MKLN1: variants seen among roughly 807,000 people sequenced by gnomAD.
The protein encoded by MKLN1 is muskelin 1, also known as muskelin.
Under a neutral mutation model 99.0 loss-of-function variants are expected in MKLN1, and 18 were observed. That is an observed-to-expected ratio of 0.18 (90% CI 0.13 to 0.27). The LOEUF (loss-of-function observed/expected upper bound fraction) is 0.27, where lower values mean the gene tolerates loss of function less well. MKLN1 is among the 10% of genes least tolerant of loss of function. MKLN1 has a pLI of 1.00. For synonymous variants in MKLN1, 288 were observed against 293.2 expected, an observed-to-expected ratio of 0.98 and a Z score of 0.18; for missense variants, 621 against 875.9, an observed-to-expected ratio of 0.71 and a Z score of 3.67.
intron 15 of MKLN1, among the ~76,000 whole-genome samples, chr7:131,466,767 A>T (rs1796671740): frequency 6.6e-6 from 1 of 152,228 alleles, no homozygotes; most frequent in South Asian, 2.1e-4. Flanking sequence ...TTAACTGTGA[A>T]TGTAGTGATA....
In MKLN1 at chr7:131,148,632, G is replaced by C. The variant is rs142279336; in HGVS notation, c.-297+5691G>C. 8.6e-3 allele frequency among the ~76,000 whole-genome samples: 1,309 copies of C among 152,110 alleles called. 17 individuals are homozygous for C. The highest frequency in any genetic ancestry group is 0.03 in the African/African-American group (1,240 of 41,490). On this transcript the variant is annotated intron_variant, in intron 2 of 7. Transcript: ENST00000416992. ...TCTAAAAAAATTTAGAATTAGCCAG[G>C]CGTGGTGGTGCACAGCTGTAGTCCC...
chr7:131,272,803 C>T (rs952573318), intron 3 of MKLN1, among the ~76,000 whole-genome samples: 2 of 152,104 alleles, frequency 1.3e-5, no homozygotes, highest in African/African-American at 4.8e-5. Flanking sequence ...TTCACTATCA[C>T]GAGAATAGTA....
intron 1 of MKLN1, among the ~76,000 whole-genome samples, chr7:131,369,972 G>A (rs531788255): frequency 1.3e-5 from 2 of 152,178 alleles, no homozygotes; most frequent in South Asian, 2.1e-4. Flanking sequence ...AGGTAGCTGG[G>A]ATTACGGGCA....
chr7:131,258,373 T>A (rs1797687690), intron 3 of MKLN1, among the ~76,000 whole-genome samples: 1 of 152,096 alleles, frequency 6.6e-6, no homozygotes, highest in Non-Finnish European at 1.5e-5. Flanking sequence ...ATTCTGTTGC[T>A]GGAGGAAGTG....
chr7:131,338,982 T>C (rs879902332), intron 1 of MKLN1, among the ~76,000 whole-genome samples: 48 of 152,360 alleles, frequency 3.2e-4, no homozygotes, highest in Admixed American at 1.7e-3. Context: ...ATTTAATGAA[T>C]AGTAAATATT....
chr7:131,375,886 C>T (rs1274786499), intron 2 of MKLN1, among the ~76,000 whole-genome samples: 1 of 149,270 alleles, frequency 6.7e-6, no homozygotes, highest in Non-Finnish European at 1.5e-5. Flanking sequence ...GCATCAGGAC[C>T]ATGTGCTAAA....
chr7:131,122,969 G>A (rs1795396983), intron 1 of MKLN1, among the ~76,000 whole-genome samples: 1 of 130,610 alleles, frequency 7.7e-6, no homozygotes, highest in Non-Finnish European at 1.5e-5. Flanking sequence ...CTTGCAGTGA[G>A]CCGAGATAGC....
chr7:131,475,785 C>A (rs1796948129), intron 16 of MKLN1, among the ~76,000 whole-genome samples: 1 of 152,082 alleles, frequency 6.6e-6, no homozygotes, highest in Admixed American at 6.5e-5. Flanking sequence ...CACGCTGAAC[C>A]TTGGTGACAG....
chr7:131,337,579 G>A (rs1402005030), intron 1 of MKLN1, among the ~76,000 whole-genome samples: 2 of 151,806 alleles, frequency 1.3e-5, no homozygotes, highest in Non-Finnish European at 2.9e-5. Context: ...CTAATTATGT[G>A]AAAATCTCTT....
chr7:131,327,770 G>C (rs1044473588), upstream of MKLN1: 281 of 1,425,614 alleles, frequency 2.0e-4, no homozygotes, highest in Non-Finnish European at 2.5e-4. Flanking sequence ...CGCTGGGCTC[G>C]GGTAACGATG....
At chr7:131,378,669 A>C (rs1291236544) in intron 2 of MKLN1, among the ~76,000 whole-genome samples, 3 of 152,106 alleles carry the variant, frequency 2.0e-5, no homozygotes, top group Non-Finnish European at 4.4e-5. Context: ...GTCTGTACAA[A>C]AAATACAAAA....
chr7:131,381,037 G>A (rs909869114), intron 2 of MKLN1, among the ~76,000 whole-genome samples: 4 of 152,042 alleles, frequency 2.6e-5, no homozygotes, highest in African/African-American at 9.7e-5. Flanking sequence ...GTATGTTTCT[G>A]TTTAAAGAAA....
intron 2 of MKLN1, among the ~76,000 whole-genome samples, chr7:131,182,509 G>C (rs1267812067): frequency 6.6e-6 from 1 of 152,204 alleles, no homozygotes; most frequent in Non-Finnish European, 1.5e-5. Context: ...TGAGTGAGAA[G>C]AAACCCTAAG....
Position 131,463,177 on chromosome 7 carries a change from A to G in MKLN1, c.1526-40A>G, listed in dbSNP as rs769829313. 13 of 1,474,194 alleles carry G rather than the reference A, an allele frequency of 8.8e-6. No individual in the cohort carries two copies. The African/African-American group carries it at 1.4e-4, about 16-fold the overall frequency. 91.3% of individuals were successfully genotyped at this position (1,474,194 alleles called of 1,614,324 possible). Reference sequence around the variant, plus strand: ...AAGGAAGGAAATACTAATCTATCTAATGTGAATATTTTCATCTTATTTTTT... The same window carrying G: ...AAGGAAGGAAATACTAATCTATCTAGTGTGAATATTTTCATCTTATTTTTT... On this transcript the variant is annotated intron_variant, in intron 12 of 17. Coordinates refer to ENST00000352689, the MANE Select transcript of MKLN1 (RefSeq NM_013255.5).
chr7:131,347,426 T>C (rs944782652), intron 1 of MKLN1, among the ~76,000 whole-genome samples: 2 of 152,094 alleles, frequency 1.3e-5, no homozygotes, highest in Admixed American at 1.3e-4. Flanking sequence ...AATGAAGAGC[T>C]AGAGAAGCTG....
chr7:131,383,860 C>T (rs1793923908), intron 2 of MKLN1, among the ~76,000 whole-genome samples: 1 of 152,208 alleles, frequency 6.6e-6, no homozygotes. Context: ...TCCTTCATCT[C>T]ACCTCTTTCC....
At chr7:131,443,985 T>TA (rs1266987458) in intron 11 of MKLN1, among the ~76,000 whole-genome samples, 1 of 152,166 alleles carries the variant, frequency 6.6e-6, no homozygotes, top group Non-Finnish European at 1.5e-5. Context: ...CCTTTCCACT[T>TA]ACGTCTCTTA....
intron 3 of MKLN1, among the ~76,000 whole-genome samples, chr7:131,226,143 A>G (rs754126340): frequency 6.6e-6 from 1 of 151,920 alleles, no homozygotes; most frequent in Non-Finnish European, 1.5e-5. Context: ...CCTTTCTCAA[A>G]ATACACCTCT....
chr7:131,259,952 C>G (rs1200744359), intron 3 of MKLN1, among the ~76,000 whole-genome samples: 1 of 152,064 alleles, frequency 6.6e-6, no homozygotes, highest in African/African-American at 2.4e-5. Context: ...TCTATAAAAC[C>G]CCATAGTGTC....
Sources: allele counts gnomAD v4.1 joint callset (sites outside exome capture counted in the v4.1 genomes callset), GRCh38; gene constraint gnomAD v4.1.1; transcripts MANE v1.5; gene names NCBI Gene and HGNC (gene_info 2026-07-23, HGNC 2026-07-21).